Variants in ANHX observed in about 807,000 individuals in gnomAD.
ANHX encodes anomalous homeobox.
A neutral mutation model predicts 38.9 loss-of-function variants in ANHX; 20 were observed. The observed-to-expected ratio is 0.51, with a 90% CI of 0.36 to 0.75. ANHX has a LOEUF of 0.75. ANHX is among the 30% of genes least tolerant of loss of function. ANHX has a pLI of 0.00. For missense variants in ANHX, 475 were observed against 493.1 expected (o/e 0.96, Z 0.35); for synonymous variants, 185 against 203.1 (o/e 0.91, Z 0.76).
chr12:133,226,157 C>T (rs532223608), intron 6 of ANHX, among the ~76,000 whole-genome samples, 161 bp downstream of exon 6: 4 of 152,306 alleles, frequency 2.6e-5, no homozygotes, highest in Non-Finnish European at 4.4e-5. Context: ...CAGTCCCTGA[C>T]GTGGGCTCCT....
chr12:133,231,403 T>C, intron 3 of ANHX, 114 bp downstream of exon 3: 1 of 1,397,688 alleles, frequency 7.2e-7, no homozygotes, highest in East Asian at 2.5e-5. Flanking sequence ...GGCGGACATT[T>C]CCTGTCCCTA....
At position 133,226,387 on chromosome 12, in the gene ANHX, G is replaced by A; in HGVS notation, c.770C>T (p.Pro257Leu). 1 of 1,536,218 alleles carries A rather than the reference G, an allele frequency of 6.5e-7. No homozygotes were observed. Among genetic ancestry groups the A allele is most frequent in the Non-Finnish European group, 8.7e-7 (1 of 1,146,894 alleles). Residue 257 changes from proline (P) to leucine (L), a missense_variant, in exon 6 of 10, where the codon CCA (proline) becomes CTA (leucine). Transcript: ENST00000545940. ...PPQSPQTTQG[P>L]WEPLALAPDF... is the part of the protein sequence containing the mutation. The stretch of plus-strand genomic sequence containing the variant: ...CGGGGCTAAGGCCAGTGGCTCCCAT[G>A]GTCCTTGGGTGGTCTGTGGGGACTG...
chr12:133,219,931 A>C (rs1394824100), intron 8 of ANHX, among the ~76,000 whole-genome samples: 1 of 152,242 alleles, frequency 6.6e-6, no homozygotes, highest in African/African-American at 2.4e-5. Context: ...AGAACTGTTC[A>C]CGCATCCAAA....
At chr12:133,234,472 C>T (rs376804350) in intron 1 of ANHX, 94 bp from the exon 2 acceptor site, 340 of 1,402,662 alleles carry the variant, frequency 2.4e-4, no homozygotes, top group African/African-American at 1.5e-3. Context: ...AGGTGATGCA[C>T]GGCTCTTGTG....
At chr12:133,220,932 T>G (rs773169360) in intron 8 of ANHX, among the ~76,000 whole-genome samples, 1 of 152,240 alleles carries the variant, frequency 6.6e-6, no homozygotes, top group East Asian at 1.9e-4. Flanking sequence ...GAAAGGCTGC[T>G]GGGGTCCAGG....
At chr12:133,224,826 G>T (rs1957165424) in intron 7 of ANHX, among the ~76,000 whole-genome samples, 1 of 151,186 alleles carries the variant, frequency 6.6e-6, no homozygotes. Context: ...AATTAGCCAG[G>T]CGTGGTGGCG....
Position 133,226,952 on chromosome 12 carries a change from G to A in ANHX, c.702C>T (p.Asp234=). Residue 234 remains aspartate, a synonymous_variant, in exon 5 of 10, where the codon GAC becomes GAT. Transcript: ENST00000545940. ...GCCACTCACCTGACCACTGAGGCCT[G>A]TCCACAAACCCAGAGTCAACACGGG... is the stretch of plus-strand genomic sequence containing the variant. ...GNPRVDSGFV[D]RPQWSEEREE... is the part of the protein sequence containing the mutation. The A allele has an allele frequency of 6.5e-7, 1 of 1,529,560 alleles. No homozygotes were observed. Among genetic ancestry groups the A allele is most frequent in the Non-Finnish European group, 8.7e-7 (1 of 1,143,034 alleles). The allele number at this position is 1,529,560 out of a possible 1,614,324, so 94.7% of individuals were successfully genotyped here.
Position 133,221,440 on chromosome 12 carries a change from C to A in ANHX, c.1133-88G>T. 7.0e-7 allele frequency: 1 copy of A among 1,420,574 alleles called. No homozygotes were observed. The allele number at this position is 1,420,574 out of a possible 1,614,324, so 88.0% of individuals were successfully genotyped here. ...CAACCAAGACCTCAAAGCACGGAGG[C>A]GGATGCAGCCTCCGGCCCAGCCAGC... is the stretch of plus-strand genomic sequence containing the variant. On this transcript the variant is annotated intron_variant, in intron 7 of 9. Transcript: ENST00000545940. The surrounding 1 kb of genome is among the most constrained non-coding windows in gnomAD (Gnocchi z 4.1).
intron 4 of ANHX, 45 bp downstream of exon 4, chr12:133,227,779 C>T (rs1308232177): frequency 1.3e-6 from 2 of 1,532,204 alleles, no homozygotes; most frequent in South Asian, 1.2e-5. Context: ...GACAGGGAGG[C>T]ACCAGGCAGG....
At chr12:133,234,724 A>G (rs576314868) in intron 1 of ANHX, 1 of 243,092 alleles carries the variant, frequency 4.1e-6, no homozygotes, top group African/African-American at 2.2e-5. Context: ...TTTCATCTGA[A>G]CCCACATACA....
At chr12:133,219,152 C>G (rs1203871565) in intron 9 of ANHX, 131 bp downstream of exon 9, 2 of 1,036,992 alleles carry the variant, frequency 1.9e-6, no homozygotes, top group Admixed American at 2.1e-5. Context: ...AGCCACAAAT[C>G]ATCTTTGCCC....
At chr12:133,219,887 C>T (rs560458532) in intron 8 of ANHX, among the ~76,000 whole-genome samples, 3 of 152,258 alleles carry the variant, frequency 2.0e-5, no homozygotes, top group East Asian at 1.9e-4. Flanking sequence ...TGTGGCACAT[C>T]CACGCAATGG....
chr12:133,228,017 G>T (rs1957213683), intron 3 of ANHX, 70 bp from the exon 4 acceptor site: 3 of 1,505,600 alleles, frequency 2.0e-6, no homozygotes, highest in Middle Eastern at 1.8e-4. Flanking sequence ...TCCAGGCCTG[G>T]CCCTCTGCAG....
At chr12:133,235,031 G>C (rs1051216553) in intron 1 of ANHX, 3 of 152,462 alleles carry the variant, frequency 2.0e-5, no homozygotes, top group Non-Finnish European at 4.4e-5. Flanking sequence ...TCACAGCCGC[G>C]AAGAACCAGG....
chr12:133,230,879 G>A (rs1957263075), intron 3 of ANHX, among the ~76,000 whole-genome samples: 1 of 152,132 alleles, frequency 6.6e-6, no homozygotes, highest in South Asian at 2.1e-4. Context: ...TCATCCATAA[G>A]TGGTGATGAT....
intron 8 of ANHX, among the ~76,000 whole-genome samples, chr12:133,220,744 A>T (rs1439850252): frequency 1.3e-5 from 2 of 151,584 alleles, no homozygotes; most frequent in Admixed American, 1.3e-4. Flanking sequence ...GCAGGATCCC[A>T]CCTGCTGGGC....
At chr12:133,219,901 G>A (rs150474551) in intron 8 of ANHX, among the ~76,000 whole-genome samples, 8 of 152,164 alleles carry the variant, frequency 5.3e-5, no homozygotes, top group South Asian at 2.1e-4. Context: ...GCAATGGCAC[G>A]TGGCTCCCCA....
Position 133,222,143 on chromosome 12 carries a change from T to C in ANHX, c.1133-791A>G, listed in dbSNP as rs534655047. Among the ~76,000 whole-genome samples the C allele has an allele frequency of 1.3e-3, 194 of 152,306 alleles. 1 individual carries two copies. Among genetic ancestry groups the C allele is most frequent in the African/African-American group, 4.4e-3 (184 of 41,576 alleles). ...TGTGCCTGCTTTCTGCTATTTCCTC[T>C]TTCATGCAGACCTTACAGACACTCT... is the stretch of plus-strand genomic sequence containing the variant. On this transcript the variant is annotated intron_variant, in intron 7 of 9. Coordinates refer to ENST00000545940, the MANE Select transcript of ANHX (RefSeq NM_001372060.1).
In ANHX at chr12:133,226,386, T is replaced by C. The variant is rs1360723985; in HGVS notation, c.771A>G (p.Pro257=). The C allele has an allele frequency of 1.2e-5, 18 of 1,536,110 alleles. No homozygotes were observed. In the South Asian group the frequency reaches 2.0e-4, roughly 17 times the overall value. ...CCGGGGCTAAGGCCAGTGGCTCCCA[T>C]GGTCCTTGGGTGGTCTGTGGGGACT... The part of the protein sequence containing the change: ...PPQSPQTTQG[P]WEPLALAPDF... The change falls in exon 6 of 10, where the codon CCA becomes CCG. Residue 257 remains proline, a synonymous_variant. Transcript: ENST00000545940.
Sources: allele counts gnomAD v4.1 joint callset (sites outside exome capture counted in the v4.1 genomes callset), GRCh38; gene constraint gnomAD v4.1.1; non-coding constraint Gnocchi (gnomAD v3.1); transcripts MANE v1.5; gene names NCBI Gene and HGNC (gene_info 2026-07-23, HGNC 2026-07-21).